Variants in MAP2 observed in about 807,000 individuals in gnomAD.
The protein encoded by MAP2 is microtubule associated protein 2, also known as microtubule-associated protein 2.
A neutral mutation model predicts 137.6 loss-of-function variants in MAP2; 14 were observed. That is an observed-to-expected ratio of 0.10 (90% CI 0.07 to 0.16). The LOEUF (loss-of-function observed/expected upper bound fraction) is 0.16. MAP2 is among the 10% of genes least tolerant of loss of function. The probability of loss-of-function intolerance (pLI) is 1.00; values close to 1 mark genes in which losing one functional copy is unlikely to be tolerated. For synonymous variants in MAP2, 786 were observed against 782.3 expected, an observed-to-expected ratio of 1.00 and a Z score of -0.08; for missense variants, 2,088 against 2,191.5, an observed-to-expected ratio of 0.95 and a Z score of 0.94.
rs182624188 is a variant in MAP2 at position 209,561,815 on chromosome 2, A to G, written c.-171-18221A>G. Among the ~76,000 whole-genome samples the G allele has an allele frequency of 2.0e-4, 30 of 152,324 alleles. 1 individual carries two copies. The East Asian group carries it at 5.4e-3, about 27-fold the overall frequency. ...TCTTCTTTTGAGGTGCAATATTTTTAAAGCTTTTACAGCTCTCTGTATTAT... is the reference window on the plus strand; with the variant it reads ...TCTTCTTTTGAGGTGCAATATTTTTGAAGCTTTTACAGCTCTCTGTATTAT... On this transcript the variant is annotated intron_variant, in intron 2 of 15. Transcript: ENST00000682079.
chr2:209,516,321 C>T (rs1367666264), intron 2 of MAP2, among the ~76,000 whole-genome samples: 1 of 152,000 alleles, frequency 6.6e-6, no homozygotes, highest in South Asian at 2.1e-4. Flanking sequence ...AGATGCTTCA[C>T]CTAGAATGAA....
At position 209,694,637 on chromosome 2, in the gene MAP2, A is replaced by C. The variant is rs1342356324; in HGVS notation, c.2467A>C (p.Ser823Arg). The change falls in exon 8 of 16, where the codon AGT becomes CGT. Residue 823 changes from serine (S) to arginine (R), a missense_variant. Ser to Arg is a moderately radical substitution (Grantham distance 110, BLOSUM62 -1). Transcript: ENST00000682079. The stretch of plus-strand genomic sequence containing the variant: ...CACAAGGTCAAGATTGGCTTCTGTG[A>C]GTGCAGATGCTGAGGTTGCCAGGAG... ...AGTRSRLASV[S>R]ADAEVARRKS... The C allele has an allele frequency of 1.2e-6, 2 of 1,614,008 alleles. No homozygotes were observed. The highest frequency in any genetic ancestry group is 1.7e-6 in the Non-Finnish European group (2 of 1,180,024).
chr2:209,526,356 G>A (rs1245283574), intron 2 of MAP2, among the ~76,000 whole-genome samples: 2 of 151,876 alleles, frequency 1.3e-5, no homozygotes, highest in East Asian at 1.9e-4. Flanking sequence ...ATGTCTGAGT[G>A]CCTGAGAATT....
intron 7 of MAP2, among the ~76,000 whole-genome samples, chr2:209,688,420 AG>A (rs2057812467): frequency 6.6e-6 from 1 of 152,180 alleles, no homozygotes; most frequent in Non-Finnish European, 1.5e-5. Flanking sequence ...CTTTCTTTTT[AG>A]TGCTATATTA....
At chr2:209,523,482 C>CA (rs1371616190) in intron 2 of MAP2, among the ~76,000 whole-genome samples, 1 of 152,072 alleles carries the variant, frequency 6.6e-6, no homozygotes, top group Non-Finnish European at 1.5e-5. Context: ...CCTTTCTAAC[C>CA]ACCCTGTCTG....
intron 2 of MAP2, among the ~76,000 whole-genome samples, chr2:209,536,242 A>G (rs755421518): frequency 6.6e-6 from 1 of 152,206 alleles, no homozygotes; most frequent in Non-Finnish European, 1.5e-5. Context: ...ATATGCAAAT[A>G]TAAAATAATA....
chr2:209,653,923 T>C (rs542211156), intron 5 of MAP2, among the ~76,000 whole-genome samples: 25 of 152,342 alleles, frequency 1.6e-4, no homozygotes, highest in African/African-American at 5.8e-4. Context: ...TCTGTGCCAG[T>C]GCATGTGCAA....
At chr2:209,724,159 G>T (rs2072805798) in intron 13 of MAP2, among the ~76,000 whole-genome samples, 2 of 152,146 alleles carry the variant, frequency 1.3e-5, no homozygotes, top group African/African-American at 4.8e-5. Context: ...TGAAAGTAAG[G>T]ATATCATTTA....
At chr2:209,630,655 ATTG>A (rs2153547152) in intron 4 of MAP2, among the ~76,000 whole-genome samples, 1 of 152,132 alleles carries the variant, frequency 6.6e-6, no homozygotes, top group East Asian at 1.9e-4. Context: ...ATTGAATTTT[ATTG>A]TTGTATAAAG....
intron 7 of MAP2, among the ~76,000 whole-genome samples, chr2:209,681,364 G>A (rs2054495189): frequency 6.6e-6 from 1 of 152,070 alleles, no homozygotes; most frequent in African/African-American, 2.4e-5. Flanking sequence ...ATCTGATATT[G>A]AGAGCATTGA....
intron 3 of MAP2, among the ~76,000 whole-genome samples, chr2:209,593,671 A>G (rs1337594926): frequency 5.1e-5 from 4 of 78,670 alleles, no homozygotes; most frequent in East Asian, 3.1e-4. Flanking sequence ...ATATATATAT[A>G]TATGTATTAT....
chr2:209,692,337 C>CAAAAAAAAAAA (rs11449791), intron 7 of MAP2, among the ~76,000 whole-genome samples: 3 of 133,750 alleles, frequency 2.2e-5, no homozygotes, highest in Middle Eastern at 4.0e-3. Context: ...TAGGAGAGAC[C>CAAAAAAAAAAA]AAAAAAAAAA....
At chr2:209,723,574 G>A in intron 13 of MAP2, 2 of 1,457,444 alleles carry the variant, frequency 1.4e-6, no homozygotes, top group Non-Finnish European at 1.9e-6. Context: ...GCACAGTGAA[G>A]TTACCTCCAA....
At chr2:209,511,698 T>G (rs12991864) in intron 2 of MAP2, among the ~76,000 whole-genome samples, 8,784 of 152,022 alleles carry the variant, frequency 0.058, 284 homozygotes, top group South Asian at 0.091. Flanking sequence ...AGCCTCCTGA[T>G]TAGCTTAGGA....
chr2:209,666,528 T>G (rs576206185), intron 5 of MAP2, among the ~76,000 whole-genome samples: 1 of 152,074 alleles, frequency 6.6e-6, no homozygotes, highest in Admixed American at 6.6e-5. Context: ...TCATCTGCCA[T>G]CCTGAAGAAA....
At chr2:209,564,463 TGCATGTTGGACTGATG>T (rs1188669260) in intron 2 of MAP2, among the ~76,000 whole-genome samples, 2 of 149,310 alleles carry the variant, frequency 1.3e-5, no homozygotes, top group African/African-American at 5.0e-5. Flanking sequence ...TGCTAATGAA[TGCATGTTGGACTGATG>T]GCTTACCTCT....
intron 4 of MAP2, among the ~76,000 whole-genome samples, chr2:209,647,137 T>TC (rs1016363516): frequency 6.6e-6 from 1 of 151,906 alleles, no homozygotes; most frequent in Non-Finnish European, 1.5e-5. Context: ...TTTTAAACAA[T>TC]CAGATATCAT....
intron 4 of MAP2, among the ~76,000 whole-genome samples, chr2:209,627,380 A>G (rs1478337337): frequency 1.3e-5 from 2 of 152,186 alleles, no homozygotes; most frequent in Non-Finnish European, 2.9e-5. Context: ...GAAGTAAATT[A>G]TTTCGTCAAA....
intron 4 of MAP2, among the ~76,000 whole-genome samples, chr2:209,637,617 C>A (rs150901149): frequency 3.7e-4 from 57 of 152,146 alleles, no homozygotes; most frequent in African/African-American, 1.3e-3. Context: ...GATGCTGTTA[C>A]CAGTAATACT....
Sources: allele counts gnomAD v4.1 joint callset (sites outside exome capture counted in the v4.1 genomes callset), GRCh38; gene constraint gnomAD v4.1.1; transcripts MANE v1.5; gene names NCBI Gene and HGNC (gene_info 2026-07-23, HGNC 2026-07-21).